Variants in ILDR2 observed in about 807,000 individuals in gnomAD.
ILDR2 encodes the protein immunoglobulin-like domain-containing receptor 2.
In ILDR2, 25 loss-of-function variants were observed where a neutral mutation model predicts 66.8. The ratio of observed to expected loss-of-function variants is 0.37; its 90% CI spans 0.27 to 0.52. The LOEUF is 0.52. Ranked by LOEUF, ILDR2 falls within the 20% of genes least tolerant of loss-of-function variation. The pLI, the probability that ILDR2 is intolerant of heterozygous loss-of-function variation, is 0.88. For missense variants in ILDR2, 827 were observed against 876.8 expected (o/e 0.94, Z 0.72); for synonymous variants, 367 against 357.2 (o/e 1.03, Z -0.31).
At chr1:166,905,452 T>G (rs1222723060), downstream of ILDR2, among the ~76,000 whole-genome samples, 1 of 152,218 alleles carries the variant, frequency 6.6e-6, no homozygotes, top group East Asian at 1.9e-4. Context: ...TTTGTTACCT[T>G]TTAGACTAAA....
intron 4 of ILDR2, among the ~76,000 whole-genome samples, chr1:166,937,755 G>C (rs757727691): frequency 1.3e-5 from 2 of 152,146 alleles, no homozygotes; most frequent in Non-Finnish European, 2.9e-5. Context: ...GGACAGACTG[G>C]GGAGAGCCAT....
At chr1:166,907,489 CT>C, downstream of ILDR2, among the ~76,000 whole-genome samples, 1 of 152,138 alleles carries the variant, frequency 6.6e-6, no homozygotes, top group Non-Finnish European at 1.5e-5. Flanking sequence ...TGCTGTAGGC[CT>C]GTTCATTTCT....
At chr1:166,926,282 A>G (rs973584600) in intron 7 of ILDR2, among the ~76,000 whole-genome samples, 1 of 152,022 alleles carries the variant, frequency 6.6e-6, no homozygotes, top group African/African-American at 2.4e-5. Context: ...GACCTGCCCT[A>G]TGTTACCTCC....
chr1:166,940,948 G>A (rs969750027), intron 3 of ILDR2, among the ~76,000 whole-genome samples: 2 of 152,172 alleles, frequency 1.3e-5, no homozygotes, highest in Non-Finnish European at 2.9e-5. Context: ...AAGAAGCTCT[G>A]ACAAAGGTCA....
At chr1:166,900,177 C>G (rs1221622648) in intron 2 of ILDR2, among the ~76,000 whole-genome samples, 1 of 151,718 alleles carries the variant, frequency 6.6e-6, no homozygotes, top group Non-Finnish European at 1.5e-5. Flanking sequence ...CTATTGCTAT[C>G]CTTTCATGCC....
chr1:166,968,910 G>C (rs1219002506), intron 1 of ILDR2, among the ~76,000 whole-genome samples: 1 of 152,102 alleles, frequency 6.6e-6, no homozygotes, highest in Non-Finnish European at 1.5e-5. Flanking sequence ...CATATAATAT[G>C]AGCAAGAACT....
chr1:166,942,130 T>C (rs1661346084), intron 3 of ILDR2, among the ~76,000 whole-genome samples: 1 of 152,238 alleles, frequency 6.6e-6, no homozygotes, highest in South Asian at 2.1e-4. Flanking sequence ...ACCATCTATC[T>C]TGGTTTGTCT....
intron 7 of ILDR2, among the ~76,000 whole-genome samples, chr1:166,926,533 G>T (rs1438265633): frequency 6.6e-6 from 1 of 151,880 alleles, no homozygotes; most frequent in African/African-American, 2.4e-5. Flanking sequence ...CTTTCAGGAG[G>T]CCTCCATGCA....
At position 166,909,879 on chromosome 1, in the gene ILDR2, T is replaced by A. The variant is rs1659438636; in HGVS notation, c.*9476A>T. 1 of 149,240 alleles carries A rather than the reference T, an allele frequency of 6.7e-6. No individual in the cohort carries two copies. Among genetic ancestry groups the A allele is most frequent in the Non-Finnish European group, 1.5e-5 (1 of 67,554 alleles). The allele number at this position is 149,240 out of a possible 1,614,324, so 9.2% of individuals were successfully genotyped here. On this transcript the variant is annotated 3_prime_UTR_variant, in exon 10 of 10. Coordinates refer to ENST00000271417, the MANE Select transcript of ILDR2 (RefSeq NM_199351.3). Reference sequence around the variant, plus strand: ...AGAGCCAGAAAAAATCCACTGTGGCTATGCTTCTACACAAAATTTGTAACA... The same window carrying A: ...AGAGCCAGAAAAAATCCACTGTGGCAATGCTTCTACACAAAATTTGTAACA...
In ILDR2 at chr1:166,917,056, T is replaced by A. The variant is rs1374715133; in HGVS notation, c.*2299A>T. On this transcript the variant is annotated 3_prime_UTR_variant, in exon 10 of 10. Coordinates refer to ENST00000271417, the MANE Select transcript of ILDR2 (RefSeq NM_199351.3). ...TCCAAAGCTGGTGACTAAGAAATGT[T>A]TTTTATCATCTTTTCCATCTGAACT... 6.6e-6 allele frequency: 1 copy of A among 152,198 alleles called. No individual in the cohort carries two copies. The highest frequency in any genetic ancestry group is 1.9e-4 in the East Asian group (1 of 5,196). The allele number at this position is 152,198 out of a possible 1,614,324, so 9.4% of individuals were successfully genotyped here. A position where few individuals can be genotyped will look rare whatever the true frequency, so the allele number is the denominator to read the frequency against.
intron 1 of ILDR2, among the ~76,000 whole-genome samples, chr1:166,970,330 GA>G (rs1037080888): frequency 6.6e-6 from 1 of 151,704 alleles, no homozygotes; most frequent in African/African-American, 2.4e-5. Flanking sequence ...GAGAAAGTCT[GA>G]AAAAAAATAA....
chr1:166,944,383 G>A (rs1661495380), intron 3 of ILDR2, among the ~76,000 whole-genome samples: 1 of 152,168 alleles, frequency 6.6e-6, no homozygotes. Context: ...ACACTTGAGA[G>A]GCTCACAGTC....
intron 1 of ILDR2, among the ~76,000 whole-genome samples, chr1:166,972,029 T>C (rs937559449): frequency 6.6e-6 from 1 of 151,996 alleles, no homozygotes; most frequent in Admixed American, 6.5e-5. Context: ...GTAGCCAACA[T>C]GGTGAAACCC....
chr1:166,952,295 C>CA (rs1662027092), intron 3 of ILDR2, among the ~76,000 whole-genome samples: 1 of 152,124 alleles, frequency 6.6e-6, no homozygotes, highest in Non-Finnish European at 1.5e-5. Context: ...TAGACACTCC[C>CA]ATCTTCTGTG....
chr1:166,969,395 C>T (rs1164025431), intron 1 of ILDR2, among the ~76,000 whole-genome samples: 2 of 152,240 alleles, frequency 1.3e-5, no homozygotes, highest in African/African-American at 4.8e-5. Context: ...AAAACACTTT[C>T]TTTCATTTTC....
At chr1:166,946,991 T>A (rs1661649676) in intron 3 of ILDR2, among the ~76,000 whole-genome samples, 1 of 152,212 alleles carries the variant, frequency 6.6e-6, no homozygotes, top group African/African-American at 2.4e-5. Context: ...ATGGGCTAAT[T>A]GAAAGGCATT....
At chr1:166,947,385 C>A (rs747491882) in intron 3 of ILDR2, among the ~76,000 whole-genome samples, 5 of 152,234 alleles carry the variant, frequency 3.3e-5, no homozygotes, top group Non-Finnish European at 7.3e-5. Context: ...AGGTCTCAAA[C>A]TGTCAGAGTT....
At chr1:166,929,714 G>A (rs1660519053) in intron 6 of ILDR2, among the ~76,000 whole-genome samples, 1 of 152,154 alleles carries the variant, frequency 6.6e-6, no homozygotes, top group Admixed American at 6.5e-5. Context: ...AAATATGTGT[G>A]TTTGTAATGA....
Position 166,957,983 on chromosome 1 carries a change from C to T in ILDR2, c.165G>A (p.Gln55=). 6 of 1,614,204 alleles carry T rather than the reference C, an allele frequency of 3.7e-6. No individual in the cohort carries two copies. The highest frequency in any genetic ancestry group is 5.1e-6 in the Non-Finnish European group (6 of 1,180,026). ...STSSHQPAVV[Q]WKFKSYCQDR... is the part of the protein sequence containing the mutation. Reference sequence around the variant, plus strand: ...CCTGGCAGTAGGACTTGAACTTCCACTGCACAACTGCAGGCTGATGGGAGG... The same window carrying T: ...CCTGGCAGTAGGACTTGAACTTCCATTGCACAACTGCAGGCTGATGGGAGG... Residue 55 remains glutamine, a synonymous_variant, in exon 2 of 10, where the codon CAG becomes CAA. Transcript: ENST00000271417.
Sources: allele counts gnomAD v4.1 joint callset (sites outside exome capture counted in the v4.1 genomes callset), GRCh38; gene constraint gnomAD v4.1.1; transcripts MANE v1.5; gene names NCBI Gene and HGNC (gene_info 2026-07-23, HGNC 2026-07-21).